Variants in CUX1 observed in about 807,000 individuals in gnomAD.
CUX1 encodes the protein protein CASP.
A neutral mutation model predicts 158.8 loss-of-function variants in CUX1; 31 were observed. The ratio of observed to expected loss-of-function variants is 0.20; its 90% CI spans 0.15 to 0.26. The LOEUF (loss-of-function observed/expected upper bound fraction) is 0.26. Ranked by LOEUF, CUX1 falls within the 10% of genes least tolerant of loss-of-function variation. The pLI is 1.00. For synonymous variants in CUX1, 879 were observed against 862.1 expected (o/e 1.02, Z -0.34); for missense variants, 1,589 against 2,014.6 (o/e 0.79, Z 4.04).
intron 2 of CUX1, among the ~76,000 whole-genome samples, chr7:101,998,808 C>T (rs945238801): frequency 2.0e-5 from 3 of 152,190 alleles, no homozygotes; most frequent in Non-Finnish European, 2.9e-5. Flanking sequence ...TCCCTCTAAA[C>T]GTCAGTGTCC....
At chr7:101,986,583 C>T (rs892257873) in intron 2 of CUX1, among the ~76,000 whole-genome samples, 2 of 152,156 alleles carry the variant, frequency 1.3e-5, no homozygotes, top group Non-Finnish European at 2.9e-5. Flanking sequence ...AGTGACAGAG[C>T]CTCTGTAAAG....
intron 4 of CUX1, among the ~76,000 whole-genome samples, chr7:102,075,107 C>G (rs760095709): frequency 6.6e-6 from 1 of 152,184 alleles, no homozygotes; most frequent in Non-Finnish European, 1.5e-5. Flanking sequence ...GATCCGCCCC[C>G]CTCAGCCTCC....
intron 2 of CUX1, among the ~76,000 whole-genome samples, chr7:101,938,117 AT>A (rs534059788): frequency 0.01 from 1,464 of 140,312 alleles, 17 homozygotes; most frequent in African/African-American, 0.023. Context: ...TGGTGTGTGT[AT>A]TTTTTTTTTT....
intron 2 of CUX1, among the ~76,000 whole-genome samples, chr7:101,936,881 C>T (rs867995074): frequency 2.0e-5 from 3 of 152,144 alleles, no homozygotes; most frequent in Non-Finnish European, 4.4e-5. Flanking sequence ...CCCGTGTCAG[C>T]GTTTTCCTAA....
intron 2 of CUX1, among the ~76,000 whole-genome samples, chr7:102,005,502 A>AT (rs1460095033): frequency 2.6e-5 from 4 of 151,940 alleles, no homozygotes; most frequent in Non-Finnish European, 5.9e-5. Flanking sequence ...ACCCGGGTTA[A>AT]TTTTTTTATT....
intron 2 of CUX1, among the ~76,000 whole-genome samples, chr7:101,949,365 C>T (rs968271489): frequency 3.3e-5 from 5 of 151,988 alleles, no homozygotes; most frequent in East Asian, 1.9e-4. Flanking sequence ...CTCCTGACCT[C>T]GTGATCCGCC....
At chr7:101,896,278 C>T (rs1801507266) in intron 1 of CUX1, among the ~76,000 whole-genome samples, 1 of 152,046 alleles carries the variant, frequency 6.6e-6, no homozygotes. Context: ...GCAGCCTTGC[C>T]CCAGGTGCAG....
chr7:101,927,147 A>AACACAC (rs10584842), intron 2 of CUX1, among the ~76,000 whole-genome samples: 6 of 149,488 alleles, frequency 4.0e-5, no homozygotes, highest in East Asian at 2.0e-4. Context: ...CTGTCAACAC[A>AACACAC]ACACACACAC....
chr7:101,890,083 T>A (rs905433945), intron 1 of CUX1, among the ~76,000 whole-genome samples: 2 of 152,190 alleles, frequency 1.3e-5, no homozygotes, highest in East Asian at 3.9e-4. Flanking sequence ...TGGCAGGGAC[T>A]GGCTGGAGGA....
At chr7:102,034,992 T>G (rs537359193) in intron 3 of CUX1, among the ~76,000 whole-genome samples, 98 of 151,120 alleles carry the variant, frequency 6.5e-4, no homozygotes, top group African/African-American at 2.1e-3. Flanking sequence ...GGGAAACATC[T>G]TAGGAATAGA....
At chr7:101,830,881 G>T (rs893803793) in intron 1 of CUX1, among the ~76,000 whole-genome samples, 1 of 152,114 alleles carries the variant, frequency 6.6e-6, no homozygotes, top group African/African-American at 2.4e-5. Context: ...CAGCACATTC[G>T]AGTGAAGTTG....
chr7:101,926,694 A>T (rs903371708), intron 2 of CUX1, among the ~76,000 whole-genome samples: 7 of 152,168 alleles, frequency 4.6e-5, no homozygotes, highest in African/African-American at 1.7e-4. Flanking sequence ...ACGCATAACT[A>T]GTAAGTGGTG....
chr7:102,209,178 G>T (rs868993116), intron 20 of CUX1, among the ~76,000 whole-genome samples: 106 of 152,306 alleles, frequency 7.0e-4, no homozygotes, highest in African/African-American at 2.2e-3. Context: ...TTCCTGCCGG[G>T]CTCTGTTGCC....
At position 102,252,614 on chromosome 7, in the gene CUX1, C is replaced by T. The variant is rs1303493275; in HGVS notation, c.*3572C>T. 1.0e-6 allele frequency: 1 copy of T among 985,348 alleles called. No homozygotes were observed. Among genetic ancestry groups the T allele is most frequent in the Non-Finnish European group, 1.2e-6 (1 of 829,966 alleles). 61.0% of individuals were successfully genotyped at this position (985,348 alleles called of 1,614,324 possible). A position where few individuals can be genotyped will look rare whatever the true frequency, so the allele number is the denominator to read the frequency against. On this transcript the variant is annotated 3_prime_UTR_variant, in exon 24 of 24. Coordinates refer to ENST00000292535, the MANE Select transcript of CUX1 (RefSeq NM_181552.4). ...TAAAATCAGTGTTTGCATTTAGCCT[C>T]TTGACCCGGAGTTCCGGCCCAAGCT... is the stretch of plus-strand genomic sequence containing the variant.
chr7:101,828,493 A>T (rs1231898386), intron 1 of CUX1, among the ~76,000 whole-genome samples: 1 of 152,216 alleles, frequency 6.6e-6, no homozygotes, highest in African/African-American at 2.4e-5. Context: ...AAACTTCCCC[A>T]TATGAACGAA....
At chr7:102,279,630 T>G (rs1428426902) in intron 18 of CUX1, among the ~76,000 whole-genome samples, 1 of 152,152 alleles carries the variant, frequency 6.6e-6, no homozygotes, top group African/African-American at 2.4e-5. Flanking sequence ...AGCCGCTCCT[T>G]GGCCACCAGA....
intron 2 of CUX1, among the ~76,000 whole-genome samples, chr7:101,970,052 C>T (rs1811760550): frequency 1.3e-5 from 2 of 150,974 alleles, no homozygotes; most frequent in Non-Finnish European, 2.9e-5. Context: ...ATGGATATTC[C>T]CTCCCAGGGC....
intron 3 of CUX1, among the ~76,000 whole-genome samples, chr7:102,060,899 AC>A: frequency 8.8e-6 from 1 of 113,094 alleles, no homozygotes; most frequent in African/African-American, 3.6e-5. Context: ...GGTGTGAACC[AC>A]CGCGCCTGGC....
At chr7:102,258,875 G>C (rs575177614), downstream of CUX1, among the ~76,000 whole-genome samples, 5 of 152,336 alleles carry the variant, frequency 3.3e-5, no homozygotes, top group African/African-American at 4.8e-5. Context: ...GGGCTACTGA[G>C]AAGAGTCTCT....
Sources: allele counts gnomAD v4.1 joint callset (sites outside exome capture counted in the v4.1 genomes callset), GRCh38; gene constraint gnomAD v4.1.1; transcripts MANE v1.5; gene names NCBI Gene and HGNC (gene_info 2026-07-23, HGNC 2026-07-21).